ACCSL: variants seen among roughly 807,000 people sequenced by gnomAD.
ACCSL encodes the protein probable inactive 1-aminocyclopropane-1-carboxylate synthase-like protein 2.
In ACCSL, 55 loss-of-function variants were observed where a neutral mutation model predicts 61.7. The ratio of observed to expected loss-of-function variants is 0.89; its 90% CI spans 0.72 to 1.12. The LOEUF is 1.12. Ranked by LOEUF, ACCSL falls within the 50% of genes most tolerant of loss-of-function variation. ACCSL has a pLI of 0.00. For synonymous variants in ACCSL, 258 were observed against 264.3 expected (o/e 0.98, Z 0.23); for missense variants, 632 against 698.0 (o/e 0.91, Z 1.07).
the ACCSL span, among the ~76,000 whole-genome samples, chr11:43,974,428 G>A: frequency 6.6e-6 from 1 of 152,156 alleles, no homozygotes; most frequent in Non-Finnish European, 1.5e-5. Flanking sequence ...ATTTGTCATT[G>A]GATTTAGGGC....
intron 8 of ACCSL, among the ~76,000 whole-genome samples, chr11:44,054,757 C>A (rs986714163): frequency 5.3e-5 from 8 of 152,076 alleles, no homozygotes; most frequent in African/African-American, 1.9e-4. Flanking sequence ...GCCCGGCCCG[C>A]CTTAGTTTCT....
At chr11:44,055,105 ATGACT>A in intron 8 of ACCSL, 92 bp from the exon 9 acceptor site, 1 of 852,742 alleles carries the variant, frequency 1.2e-6, no homozygotes, top group East Asian at 2.6e-5. Context: ...CATAAAAGAC[ATGACT>A]TAAGATTACA....
At chr11:44,038,511 C>T in the ACCSL span, among the ~76,000 whole-genome samples, 1 of 152,090 alleles carries the variant, frequency 6.6e-6, no homozygotes, top group African/African-American at 2.4e-5. Flanking sequence ...CAGGGCTTTC[C>T]AGTGGAGAGG....
At chr11:43,953,453 G>A in the ACCSL span, among the ~76,000 whole-genome samples, 46 of 151,116 alleles carry the variant, frequency 3.0e-4, no homozygotes, top group African/African-American at 1.0e-3. Flanking sequence ...CCCAGGAGGC[G>A]GAGGTTGCAG....
the ACCSL span, among the ~76,000 whole-genome samples, chr11:43,931,556 C>T: frequency 2.6e-5 from 4 of 152,212 alleles, no homozygotes; most frequent in South Asian, 8.3e-4. Flanking sequence ...CATCCCAGTG[C>T]CACTTCTGCC....
At chr11:43,939,276 AAT>A in the ACCSL span, among the ~76,000 whole-genome samples, 133 of 152,270 alleles carry the variant, frequency 8.7e-4, no homozygotes, top group Middle Eastern at 6.8e-3. Context: ...CTCATCCTCT[AAT>A]ATGTTTCCAT....
At chr11:43,968,217 G>A in the ACCSL span, among the ~76,000 whole-genome samples, 1 of 151,930 alleles carries the variant, frequency 6.6e-6, no homozygotes, top group South Asian at 2.1e-4. Flanking sequence ...CAAGGTGAAG[G>A]AACTCTGCTT....
In ACCSL at chr11:44,055,249, T is replaced by G. The variant is rs1266891822; in HGVS notation, c.1097T>G (p.Phe366Cys). Reference sequence around the variant, plus strand: ...GATGAGATTTACATGCTGTCTGTGTTTGATGAATCCATCACATTCCACAGC... The same window carrying G: ...GATGAGATTTACATGCTGTCTGTGTGTGATGAATCCATCACATTCCACAGC... ...IIDEIYMLSV[F>C]DESITFHSIL... Residue 366 changes from phenylalanine (F) to cysteine (C), a missense_variant, in exon 9 of 14, where the codon TTT (phenylalanine) becomes TGT (cysteine). Phe to Cys is a radical substitution (Grantham distance 205, BLOSUM62 -2). Coordinates refer to ENST00000378832, the MANE Select transcript of ACCSL (RefSeq NM_001031854.2). 3 of 1,613,012 alleles carry G rather than the reference T, an allele frequency of 1.9e-6. No individual in the cohort carries two copies. The highest frequency in any genetic ancestry group is 2.5e-6 in the Non-Finnish European group (3 of 1,179,264).
the ACCSL span, among the ~76,000 whole-genome samples, chr11:44,014,964 C>T: frequency 1.3e-5 from 2 of 152,252 alleles, no homozygotes; most frequent in Non-Finnish European, 2.9e-5. Context: ...ACTGCCTTCC[C>T]CCTCCCCTCC....
the ACCSL span, among the ~76,000 whole-genome samples, chr11:44,025,427 T>C: frequency 6.6e-6 from 1 of 152,154 alleles, no homozygotes; most frequent in Non-Finnish European, 1.5e-5. Context: ...TAGTATACTA[T>C]ACAAAAACTT....
the ACCSL span, among the ~76,000 whole-genome samples, chr11:43,972,855 G>A: frequency 1.3e-5 from 2 of 152,204 alleles, no homozygotes; most frequent in Non-Finnish European, 1.5e-5. Flanking sequence ...GCTTGGGTTT[G>A]AGAGAGGTTG....
chr11:43,982,625 C>T, the ACCSL span, among the ~76,000 whole-genome samples: 5 of 152,224 alleles, frequency 3.3e-5, no homozygotes, highest in South Asian at 2.1e-4. Flanking sequence ...CTGCTGAGCA[C>T]GTGGCCGAGT....
At chr11:44,021,342 G>A in the ACCSL span, among the ~76,000 whole-genome samples, 1 of 152,016 alleles carries the variant, frequency 6.6e-6, no homozygotes, top group African/African-American at 2.4e-5. Flanking sequence ...TTGCATTGTG[G>A]TTTTGATTTG....
At chr11:43,946,931 C>T in the ACCSL span, 1 of 152,350 alleles carries the variant, frequency 6.6e-6, no homozygotes, top group Non-Finnish European at 1.5e-5. Flanking sequence ...ACATCTCTGC[C>T]CTGCACAGAG....
the ACCSL span, among the ~76,000 whole-genome samples, chr11:43,979,958 CCA>C: frequency 6.6e-6 from 1 of 151,810 alleles, no homozygotes; most frequent in African/African-American, 2.4e-5. Flanking sequence ...TCAGAAATCA[CCA>C]CCACTCCCTG....
the ACCSL span, among the ~76,000 whole-genome samples, chr11:44,001,343 G>T: frequency 1.1e-4 from 17 of 151,942 alleles, no homozygotes; most frequent in African/African-American, 4.1e-4. Flanking sequence ...ATCTCTCGGG[G>T]GTGGCTTGTT....
the ACCSL span, among the ~76,000 whole-genome samples, chr11:44,027,346 C>T: frequency 0.023 from 3,473 of 152,208 alleles, 153 homozygotes; most frequent in African/African-American, 0.08. Context: ...TCTAGATTCC[C>T]AGAAATAAAT....
At chr11:44,053,600 T>C (rs903308547) in intron 8 of ACCSL, 94 bp downstream of exon 8, 2 of 1,185,566 alleles carry the variant, frequency 1.7e-6, no homozygotes, top group Non-Finnish European at 2.5e-6. Flanking sequence ...TGGTGGCACA[T>C]GCCTGTAATC....
the ACCSL span, among the ~76,000 whole-genome samples, chr11:43,980,333 G>C: frequency 6.6e-6 from 1 of 152,202 alleles, no homozygotes; most frequent in African/African-American, 2.4e-5. Context: ...CTGTGAATTT[G>C]AATGAGCACT....
Sources: allele counts gnomAD v4.1 joint callset (sites outside exome capture counted in the v4.1 genomes callset), GRCh38; gene constraint gnomAD v4.1.1; transcripts MANE v1.5; gene names NCBI Gene and HGNC (gene_info 2026-07-23, HGNC 2026-07-21).